TRDN: variants seen among roughly 807,000 people sequenced by gnomAD.
TRDN encodes the protein triadin in skeletal muscle.
In TRDN, 161 loss-of-function variants were observed where a neutral mutation model predicts 149.7. The observed-to-expected ratio is 1.08, with a 90% CI of 0.95 to 1.23. The LOEUF (loss-of-function observed/expected upper bound fraction) is 1.23, where lower values mean the gene tolerates loss of function less well. Among genes scored for constraint, TRDN ranks in the 50% most tolerant of loss-of-function variants. The pLI is 0.00. For synonymous variants in TRDN, 294 were observed against 250.5 expected, an observed-to-expected ratio of 1.17 and a Z score of -1.64; for missense variants, 896 against 823.5, an observed-to-expected ratio of 1.09 and a Z score of -1.08.
intron 12 of TRDN, among the ~76,000 whole-genome samples, chr6:123,406,965 C>A (rs1384279238): frequency 1.1e-4 from 16 of 151,924 alleles, no homozygotes; most frequent in Non-Finnish European, 1.8e-4. Context: ...GAAAAGAAAC[C>A]CACAATACCT....
intron 8 of TRDN, chr6:123,502,545 T>C (rs1438896197): frequency 2.0e-5 from 20 of 981,568 alleles, no homozygotes; most frequent in Non-Finnish European, 2.4e-5. Flanking sequence ...AGTTGACAAA[T>C]ACTACATGTG....
intron 1 of TRDN, among the ~76,000 whole-genome samples, chr6:123,600,695 C>A (rs1027539606): frequency 1.3e-5 from 2 of 151,918 alleles, no homozygotes; most frequent in African/African-American, 4.8e-5. Context: ...AAATATTGAC[C>A]GCTCTGGTTA....
chr6:123,556,609 C>T (rs1158409872), intron 2 of TRDN, among the ~76,000 whole-genome samples: 1 of 151,792 alleles, frequency 6.6e-6, no homozygotes, highest in Non-Finnish European at 1.5e-5. Flanking sequence ...CCTCCTCCTT[C>T]TTCTTCCTCT....
chr6:123,591,562 T>A (rs1297217033), intron 1 of TRDN, among the ~76,000 whole-genome samples: 1 of 152,156 alleles, frequency 6.6e-6, no homozygotes, highest in Non-Finnish European at 1.5e-5. Flanking sequence ...CTTTATTAAG[T>A]TATTTAAAAG....
At chr6:123,241,982 T>C (rs568966389) in intron 38 of TRDN, among the ~76,000 whole-genome samples, 1 of 152,288 alleles carries the variant, frequency 6.6e-6, no homozygotes, top group Non-Finnish European at 1.5e-5. Flanking sequence ...CTAACAAACC[T>C]AACTTTATAT....
At chr6:123,430,525 T>A (rs1774296432) in intron 12 of TRDN, among the ~76,000 whole-genome samples, 2 of 151,916 alleles carry the variant, frequency 1.3e-5, no homozygotes, top group African/African-American at 4.8e-5. Context: ...GAGGTTGCAG[T>A]AAGCCGAGAT....
intron 2 of TRDN, among the ~76,000 whole-genome samples, chr6:123,557,186 C>G (rs952074071): frequency 6.6e-6 from 1 of 152,122 alleles, no homozygotes; most frequent in Non-Finnish European, 1.5e-5. Context: ...CGCCTGCACC[C>G]AGGTGAAATA....
chr6:123,466,465 T>C (rs779325880), intron 9 of TRDN, among the ~76,000 whole-genome samples: 1 of 152,126 alleles, frequency 6.6e-6, no homozygotes, highest in East Asian at 1.9e-4. Flanking sequence ...ATAAGTGGAA[T>C]TGGATTTCAA....
intron 40 of TRDN, 85 bp from the exon 41 acceptor site, chr6:123,218,825 G>T: frequency 7.1e-7 from 1 of 1,399,142 alleles, no homozygotes; most frequent in Non-Finnish European, 9.6e-7. Context: ...CAGCAGATAA[G>T]GTCACAGATT....
intron 2 of TRDN, among the ~76,000 whole-genome samples, chr6:123,548,896 G>A (rs914649844): frequency 3.9e-5 from 6 of 152,120 alleles, no homozygotes; most frequent in South Asian, 2.1e-4. Context: ...GTGTATTTAT[G>A]TTACCCAGAG....
At chr6:123,367,587 C>T (rs922795015) in intron 19 of TRDN, among the ~76,000 whole-genome samples, 1 of 152,208 alleles carries the variant, frequency 6.6e-6, no homozygotes, top group Non-Finnish European at 1.5e-5. Flanking sequence ...TATCTCAATA[C>T]CCTGGGCTTC....
At chr6:123,471,262 C>G (rs1479512816) in intron 9 of TRDN, 1 of 152,176 alleles carries the variant, frequency 6.6e-6, no homozygotes, top group African/African-American at 2.4e-5. Context: ...TGGGAACAAA[C>G]AAGTACAGTG....
intron 4 of TRDN, among the ~76,000 whole-genome samples, chr6:123,541,218 C>T (rs1369795787): frequency 1.3e-5 from 2 of 152,148 alleles, no homozygotes; most frequent in Non-Finnish European, 2.9e-5. Flanking sequence ...GTTGAGTTGC[C>T]TCAGAGACTC....
At chr6:123,331,961 C>T (rs1439166365) in intron 22 of TRDN, 32 bp from the exon 23 acceptor site, 2 of 1,495,972 alleles carry the variant, frequency 1.3e-6, no homozygotes, top group Non-Finnish European at 9.0e-7. Flanking sequence ...TTATTTGAAG[C>T]CAAGACAAAG....
chr6:123,520,798 C>A (rs1353213850), intron 5 of TRDN, among the ~76,000 whole-genome samples: 1 of 152,146 alleles, frequency 6.6e-6, no homozygotes, highest in Admixed American at 6.5e-5. Flanking sequence ...ACTATGGACA[C>A]TGTGATGCAT....
At chr6:123,359,734 C>T (rs1780823476) in intron 20 of TRDN, among the ~76,000 whole-genome samples, 1 of 152,146 alleles carries the variant, frequency 6.6e-6, no homozygotes, top group Admixed American at 6.5e-5. Context: ...CTCGCTCTGT[C>T]GCCCAGGCTG....
chr6:123,557,279 T>G (rs1781723453), intron 2 of TRDN, among the ~76,000 whole-genome samples: 1 of 152,100 alleles, frequency 6.6e-6, no homozygotes, highest in Non-Finnish European at 1.5e-5. Flanking sequence ...GTGCCGTGAC[T>G]CGGATCGGGG....
intron 10 of TRDN, among the ~76,000 whole-genome samples, chr6:123,459,621 A>C (rs1037565008): frequency 6.6e-6 from 1 of 152,178 alleles, no homozygotes; most frequent in Non-Finnish European, 1.5e-5. Flanking sequence ...TACTATATTC[A>C]TTAAACTCTT....
chr6:123,500,681 G>A (rs1041543833), intron 8 of TRDN, among the ~76,000 whole-genome samples: 2 of 152,088 alleles, frequency 1.3e-5, no homozygotes, highest in African/African-American at 2.4e-5. Context: ...AGCAGTGATA[G>A]ATGTCATTCA....
Sources: allele counts gnomAD v4.1 joint callset (sites outside exome capture counted in the v4.1 genomes callset), GRCh38; gene constraint gnomAD v4.1.1; transcripts MANE v1.5; gene names NCBI Gene and HGNC (gene_info 2026-07-23, HGNC 2026-07-21).